DMRT1: variants seen among roughly 807,000 people sequenced by gnomAD.
DMRT1 encodes the protein doublesex and mab-3 related transcription factor 1.
In DMRT1, 7 loss-of-function variants were observed where a neutral mutation model predicts 32.3. The observed-to-expected ratio is 0.22, with a 90% confidence interval of 0.12 to 0.41. DMRT1 has a LOEUF of 0.41. Among genes scored for constraint, DMRT1 ranks in the 10% least tolerant of loss-of-function variants. The pLI, the probability that DMRT1 is intolerant of heterozygous loss-of-function variation, is 1.00. For missense variants in DMRT1, 625 were observed against 500.5 expected (o/e 1.25, Z -2.37); for synonymous variants, 278 against 206.1 (o/e 1.35, Z -2.99).
chr9:911,415 G>A (rs142933674), intron 3 of DMRT1, among the ~76,000 whole-genome samples: 1 of 148,710 alleles, frequency 6.7e-6, no homozygotes, highest in East Asian at 2.0e-4. Context: ...GAAGAGAGCA[G>A]GAAGTAATTT....
At chr9:942,315 C>A (rs1330717672) in intron 4 of DMRT1, among the ~76,000 whole-genome samples, 1 of 152,122 alleles carries the variant, frequency 6.6e-6, no homozygotes, top group Non-Finnish European at 1.5e-5. Flanking sequence ...AATGTGTCAC[C>A]CAGGCTGGAG....
chr9:939,839 T>C (rs1169703344), intron 4 of DMRT1, among the ~76,000 whole-genome samples: 3 of 152,212 alleles, frequency 2.0e-5, no homozygotes, highest in African/African-American at 7.2e-5. Context: ...TAGTCATTAA[T>C]ACCTATAAGG....
Position 895,849 on chromosome 9 carries a change from A to AG in DMRT1, c.822+1655dup, listed in dbSNP as rs527944906. On this transcript the variant is annotated intron_variant, in intron 3 of 4. Coordinates refer to ENST00000382276, the MANE Select transcript of DMRT1 (RefSeq NM_021951.3). ...GAGAGGGAGTCTTGCTCTGTCACCC[A>AG]GCTGGAGTACAGTGGCGCGATCTCG... is the stretch of plus-strand genomic sequence containing the variant. Among the ~76,000 whole-genome samples, 947 of 132,936 alleles carry AG rather than the reference A, an allele frequency of 7.1e-3. 10 individuals are homozygous for AG. The highest frequency in any genetic ancestry group is 0.026 in the African/African-American group (896 of 34,714). 87.2% of individuals were successfully genotyped at this position (132,936 alleles called of 152,430 possible). A position where few individuals can be genotyped will look rare whatever the true frequency, so the allele number is the denominator to read the frequency against.
At chr9:878,238 A>G (rs2132624253) in intron 2 of DMRT1, among the ~76,000 whole-genome samples, 1 of 115,898 alleles carries the variant, frequency 8.6e-6, no homozygotes, top group East Asian at 2.9e-4. Context: ...GCCTGTCTTA[A>G]GGTAATCACA....
intron 3 of DMRT1, among the ~76,000 whole-genome samples, chr9:900,296 A>G (rs1263852608): frequency 6.6e-6 from 1 of 152,176 alleles, no homozygotes; most frequent in African/African-American, 2.4e-5. Context: ...TGGGAAGGGC[A>G]CTCAGAAAAG....
intron 2 of DMRT1, among the ~76,000 whole-genome samples, chr9:887,396 C>G (rs1158634426): frequency 6.6e-6 from 1 of 152,200 alleles, no homozygotes; most frequent in Non-Finnish European, 1.5e-5. Flanking sequence ...TGTGCTTTGA[C>G]CAGATTCCCA....
At chr9:951,530 G>A (rs1188148247) in intron 4 of DMRT1, among the ~76,000 whole-genome samples, 2 of 152,218 alleles carry the variant, frequency 1.3e-5, no homozygotes, top group African/African-American at 4.8e-5. Context: ...CCCTAAAGAT[G>A]ACATCTCTGC....
chr9:960,378 A>T (rs1819732338), intron 4 of DMRT1, among the ~76,000 whole-genome samples: 1 of 152,192 alleles, frequency 6.6e-6, no homozygotes, highest in African/African-American at 2.4e-5. Context: ...GTTTAATAAA[A>T]ATCCTATTAA....
intron 2 of DMRT1, among the ~76,000 whole-genome samples, chr9:862,898 G>A (rs562409454): frequency 1.3e-5 from 2 of 152,108 alleles, no homozygotes; most frequent in African/African-American, 4.8e-5. Context: ...CCTGCAACCT[G>A]TGAAGTTGGT....
At chr9:964,815 T>G (rs1387192438) in intron 4 of DMRT1, among the ~76,000 whole-genome samples, 1 of 152,194 alleles carries the variant, frequency 6.6e-6, no homozygotes, top group African/African-American at 2.4e-5. Context: ...TTATGGTTCT[T>G]ATTACATGTC....
chr9:845,504 G>C (rs955632570), intron 1 of DMRT1, among the ~76,000 whole-genome samples: 2 of 152,156 alleles, frequency 1.3e-5, no homozygotes, highest in African/African-American at 4.8e-5. Flanking sequence ...AACCCCGCCT[G>C]GCCTTTTTTC....
At chr9:846,601 G>C (rs1838916578) in intron 1 of DMRT1, among the ~76,000 whole-genome samples, 1 of 152,030 alleles carries the variant, frequency 6.6e-6, no homozygotes, top group South Asian at 2.1e-4. Flanking sequence ...TTTGTTAAGA[G>C]ACAGGGTCTT....
At chr9:882,701 C>G (rs1816778285) in intron 2 of DMRT1, among the ~76,000 whole-genome samples, 1 of 150,798 alleles carries the variant, frequency 6.6e-6, no homozygotes, top group Non-Finnish European at 1.5e-5. Context: ...TTCCCGTCAT[C>G]TTCCTGCTTG....
At chr9:936,160 G>C (rs1818879230) in intron 4 of DMRT1, among the ~76,000 whole-genome samples, 2 of 152,136 alleles carry the variant, frequency 1.3e-5, no homozygotes, top group African/African-American at 4.8e-5. Context: ...TGGATTGCTT[G>C]TCTCCACTTC....
At chr9:856,311 C>T (rs1815398933) in intron 2 of DMRT1, among the ~76,000 whole-genome samples, 2 of 152,230 alleles carry the variant, frequency 1.3e-5, no homozygotes, top group South Asian at 2.1e-4. Flanking sequence ...CTCAAGTGTA[C>T]AATTCAGTGT....
chr9:901,308 C>CGCCCGGCT (rs1564236682), intron 3 of DMRT1, among the ~76,000 whole-genome samples: 6 of 152,054 alleles, frequency 3.9e-5, no homozygotes, highest in African/African-American at 1.4e-4. Flanking sequence ...TGAGCCACCA[C>CGCCCGGCT]GCCTGACCAA....
intron 4 of DMRT1, among the ~76,000 whole-genome samples, chr9:923,080 C>A (rs1034888454): frequency 2.0e-5 from 3 of 152,172 alleles, no homozygotes; most frequent in Non-Finnish European, 2.9e-5. Context: ...ATAGGCCTCT[C>A]CTTCAGGATG....
At position 903,683 on chromosome 9, in the gene DMRT1, A is replaced by G. The variant is rs1008348246; in HGVS notation, c.822+9488A>G. Among the ~76,000 whole-genome samples the G allele has an allele frequency of 3.3e-5, 5 of 152,328 alleles. No homozygotes were observed. The East Asian group carries it at 9.7e-4, about 29-fold the overall frequency. ...ATATCCCGTAGCTACAGTATAGTGCACAGGAGAGACATTTTTGGAGTGTGT... is the reference window on the plus strand; with the variant it reads ...ATATCCCGTAGCTACAGTATAGTGCGCAGGAGAGACATTTTTGGAGTGTGT... On this transcript the variant is annotated intron_variant, in intron 3 of 4. Coordinates refer to ENST00000382276, the MANE Select transcript of DMRT1 (RefSeq NM_021951.3).
Position 861,341 on chromosome 9 carries a change from C to G in DMRT1, c.538+14198C>G, listed in dbSNP as rs555529738. On this transcript the variant is annotated intron_variant, in intron 2 of 4. Transcript: ENST00000382276. ...TGCACCGCCCTTAATCCATTTAACC[C>G]TTAGTGGACACAGCACATGTTTCAG... 1.8e-4 allele frequency among the ~76,000 whole-genome samples: 28 copies of G among 152,186 alleles called. No individual in the cohort carries two copies. In the South Asian group the frequency reaches 5.0e-3, roughly 27 times the overall value.
Sources: gnomAD v4.1 joint callset for allele counts (sites outside exome capture counted in the v4.1 genomes callset) on GRCh38, gnomAD v4.1.1 for gene constraint, MANE v1.5 for transcripts, NCBI Gene and HGNC (gene_info 2026-07-23, HGNC 2026-07-21) for gene names.